Variants in ARL6 observed in about 807,000 individuals in gnomAD.
The protein encoded by ARL6 is ARF like GTPase 6.
Under a neutral mutation model 27.1 loss-of-function variants are expected in ARL6, and 18 were observed. That is an observed-to-expected ratio of 0.66 (90% CI 0.46 to 0.98). ARL6 has a LOEUF of 0.98. Ranked by LOEUF, ARL6 falls within the 50% of genes least tolerant of loss-of-function variation. ARL6 has a pLI of 0.00. For missense variants in ARL6, 187 were observed against 214.9 expected, an observed-to-expected ratio of 0.87 and a Z score of 0.81; for synonymous variants, 65 against 72.3, an observed-to-expected ratio of 0.90 and a Z score of 0.51.
intron 2 of ARL6, among the ~76,000 whole-genome samples, chr3:97,779,175 A>T (rs1206444026): frequency 6.6e-6 from 1 of 152,178 alleles, no homozygotes; most frequent in East Asian, 1.9e-4. Flanking sequence ...CCTTACCTCA[A>T]CATATCACTC....
At chr3:97,782,860 T>C (rs1042933385) in intron 4 of ARL6, among the ~76,000 whole-genome samples, 1 of 151,452 alleles carries the variant, frequency 6.6e-6, no homozygotes, top group African/African-American at 2.4e-5. Flanking sequence ...ACATTTGCTA[T>C]AAATATGTAC....
chr3:97,783,011 G>A (rs1477264120), intron 4 of ARL6, among the ~76,000 whole-genome samples: 1 of 149,856 alleles, frequency 6.7e-6, no homozygotes, highest in African/African-American at 2.4e-5. Flanking sequence ...ATCCTGTTTG[G>A]TGAAGAGAGA....
chr3:97,776,314 T>C (rs1244927690), intron 2 of ARL6, among the ~76,000 whole-genome samples: 1 of 152,220 alleles, frequency 6.6e-6, no homozygotes. Context: ...GTTTTCAGCC[T>C]GTGTGTATCT....
At chr3:97,772,880 A>G (rs902855765) in intron 2 of ARL6, among the ~76,000 whole-genome samples, 4 of 152,068 alleles carry the variant, frequency 2.6e-5, no homozygotes, top group African/African-American at 9.7e-5. Context: ...TCGGCCTCCC[A>G]AAGTGCTGGA....
At chr3:97,779,861 A>G (rs1207135037) in intron 2 of ARL6, among the ~76,000 whole-genome samples, 1 of 150,620 alleles carries the variant, frequency 6.6e-6, no homozygotes, top group Non-Finnish European at 1.5e-5. Flanking sequence ...GTGAGACTCT[A>G]TCTCAAAAAA....
chr3:97,770,891 A>T (rs1486341018), intron 2 of ARL6, among the ~76,000 whole-genome samples: 1 of 151,978 alleles, frequency 6.6e-6, no homozygotes, highest in African/African-American at 2.4e-5. Flanking sequence ...GTGTGTGTTT[A>T]TGCCAAAACT....
intron 6 of ARL6, among the ~76,000 whole-genome samples, chr3:97,789,020 G>T (rs932110138): frequency 6.6e-6 from 1 of 152,102 alleles, no homozygotes; most frequent in Non-Finnish European, 1.5e-5. Flanking sequence ...CACAAGAAGG[G>T]TGAACTAGAA....
At chr3:97,782,742 G>A (rs952438500) in intron 4 of ARL6, among the ~76,000 whole-genome samples, 1 of 150,940 alleles carries the variant, frequency 6.6e-6, no homozygotes, top group African/African-American at 2.4e-5. Flanking sequence ...TTGTATGTTA[G>A]CATTATTTAT....
intron 2 of ARL6, among the ~76,000 whole-genome samples, chr3:97,775,373 C>T (rs1185240909): frequency 3.9e-5 from 6 of 152,160 alleles, no homozygotes; most frequent in African/African-American, 1.2e-4. Context: ...AACTGAAGAA[C>T]TTGAAGTCTG....
At chr3:97,765,814 C>T (rs1172285542) in intron 1 of ARL6, among the ~76,000 whole-genome samples, 4 of 152,170 alleles carry the variant, frequency 2.6e-5, no homozygotes, top group Non-Finnish European at 5.9e-5. Context: ...TTGTGTCTCT[C>T]GCTGCACACT....
chr3:97,791,166 C>A (rs1414830782), intron 6 of ARL6: 1 of 152,234 alleles, frequency 6.6e-6, no homozygotes, highest in Non-Finnish European at 1.5e-5. Context: ...GTATTTAATT[C>A]TCACAATCAC....
intron 2 of ARL6, among the ~76,000 whole-genome samples, chr3:97,773,230 G>T (rs1045607407): frequency 2.6e-5 from 4 of 152,176 alleles, no homozygotes; most frequent in African/African-American, 9.6e-5. Flanking sequence ...CAGCATGGGA[G>T]AAAGACGTAG....
At chr3:97,794,539 A>AC (rs2037907876) in intron 7 of ARL6, among the ~76,000 whole-genome samples, 1 of 152,110 alleles carries the variant, frequency 6.6e-6, no homozygotes, top group Non-Finnish European at 1.5e-5. Flanking sequence ...TCTGTGTAAT[A>AC]ACAAATAGTT....
chr3:97,773,492 A>G (rs987751312), intron 2 of ARL6, among the ~76,000 whole-genome samples: 1 of 152,140 alleles, frequency 6.6e-6, no homozygotes. Flanking sequence ...TTGTCAATAC[A>G]CATCTCCTGA....
chr3:97,767,681 T>C (rs2036449232), intron 1 of ARL6, among the ~76,000 whole-genome samples: 1 of 152,192 alleles, frequency 6.6e-6, no homozygotes, highest in African/African-American at 2.4e-5. Context: ...CTTTCTGCCT[T>C]CTACATGAAC....
intron 2 of ARL6, among the ~76,000 whole-genome samples, chr3:97,772,817 C>T (rs1017667603): frequency 4.6e-5 from 7 of 152,068 alleles, no homozygotes; most frequent in African/African-American, 1.7e-4. Flanking sequence ...GATGGGGTTT[C>T]TCCATGTTGG....
At chr3:97,786,999 T>G (rs919354634) in intron 5 of ARL6, among the ~76,000 whole-genome samples, 3 of 152,160 alleles carry the variant, frequency 2.0e-5, no homozygotes, top group Non-Finnish European at 4.4e-5. Context: ...AGTTTGGTAA[T>G]CACTGTCTAT....
At chr3:97,779,607 C>A (rs899062110) in intron 2 of ARL6, among the ~76,000 whole-genome samples, 2 of 152,180 alleles carry the variant, frequency 1.3e-5, no homozygotes, top group African/African-American at 4.8e-5. Flanking sequence ...TGGCTCACTC[C>A]TGTAATCCCA....
chr3:97,782,311 A>G (rs1189040039), intron 4 of ARL6, among the ~76,000 whole-genome samples: 1 of 151,960 alleles, frequency 6.6e-6, no homozygotes, highest in Non-Finnish European at 1.5e-5. Context: ...ATATAGAGAG[A>G]AAATAGTAGG....
Sources: allele counts gnomAD v4.1 joint callset (sites outside exome capture counted in the v4.1 genomes callset), GRCh38; gene constraint gnomAD v4.1.1; transcripts MANE v1.5; gene names NCBI Gene and HGNC (gene_info 2026-07-23, HGNC 2026-07-21).